Variants in SLC16A7 observed in about 807,000 individuals in gnomAD.
SLC16A7 encodes the protein monocarboxylate transporter 2.
SLC16A7 carries 33 observed loss-of-function variants against 34.9 expected under a neutral mutation model. The ratio of observed to expected loss-of-function variants is 0.94; its 90% CI spans 0.72 to 1.26. The LOEUF (loss-of-function observed/expected upper bound fraction) is 1.26. Among genes scored for constraint, SLC16A7 ranks in the 50% most tolerant of loss-of-function variants. SLC16A7 has a pLI of 0.00. For missense variants in SLC16A7, 573 were observed against 578.1 expected, an observed-to-expected ratio of 0.99 and a Z score of 0.09; for synonymous variants, 201 against 206.6, an observed-to-expected ratio of 0.97 and a Z score of 0.23.
intron 2 of SLC16A7, among the ~76,000 whole-genome samples, chr12:59,661,045 A>C (rs1005357597): frequency 1.2e-4 from 18 of 152,106 alleles, no homozygotes; most frequent in African/African-American, 4.1e-4. Flanking sequence ...ATCATATTAC[A>C]TTTTATAACA....
intron 2 of SLC16A7, among the ~76,000 whole-genome samples, chr12:59,683,434 A>C (rs77565782): frequency 0.071 from 10,830 of 152,202 alleles, 427 homozygotes; most frequent in Middle Eastern, 0.17. Context: ...GGGACTATTA[A>C]AGTTGTCCAT....
At chr12:59,612,348 G>C (rs903313885) in intron 1 of SLC16A7, among the ~76,000 whole-genome samples, 1 of 152,112 alleles carries the variant, frequency 6.6e-6, no homozygotes, top group Non-Finnish European at 1.5e-5. Flanking sequence ...CCCTTTTAGC[G>C]ATGGCTGGAG....
At chr12:59,726,909 A>G (rs553433638) in intron 3 of SLC16A7, among the ~76,000 whole-genome samples, 1 of 152,116 alleles carries the variant, frequency 6.6e-6, no homozygotes, top group Admixed American at 6.6e-5. Flanking sequence ...TGATCAATAC[A>G]TAATAGATCA....
chr12:59,614,218 G>A (rs1417895899), intron 1 of SLC16A7, among the ~76,000 whole-genome samples: 1 of 152,040 alleles, frequency 6.6e-6, no homozygotes. Flanking sequence ...TGTATTTTTA[G>A]TAGAGATGGA....
chr12:59,603,458 C>T (rs944678305), intron 1 of SLC16A7, among the ~76,000 whole-genome samples: 2 of 152,156 alleles, frequency 1.3e-5, no homozygotes, highest in African/African-American at 2.4e-5. Context: ...TTTGGCCATG[C>T]TGTTCTTTTA....
At chr12:59,651,445 G>T (rs746206859) in intron 1 of SLC16A7, among the ~76,000 whole-genome samples, 1 of 152,076 alleles carries the variant, frequency 6.6e-6, no homozygotes, top group Non-Finnish European at 1.5e-5. Flanking sequence ...GAGTACCATA[G>T]AATTTCTTAT....
intron 2 of SLC16A7, among the ~76,000 whole-genome samples, chr12:59,670,122 T>TC (rs2137045565): frequency 6.6e-6 from 1 of 152,334 alleles, no homozygotes. Flanking sequence ...TCTTCCAGCT[T>TC]CTGGTAAACC....
intron 1 of SLC16A7, among the ~76,000 whole-genome samples, chr12:59,624,770 G>T (rs1211368471): frequency 6.7e-6 from 1 of 149,798 alleles, no homozygotes; most frequent in Non-Finnish European, 1.5e-5. Context: ...GTGTGTGTGT[G>T]TGTCTATCTA....
At chr12:59,773,262 A>G (rs1376135854) in intron 4 of SLC16A7, among the ~76,000 whole-genome samples, 1 of 152,140 alleles carries the variant, frequency 6.6e-6, no homozygotes, top group Non-Finnish European at 1.5e-5. Context: ...TGGCTGAGGT[A>G]TAGCGTTAGA....
intron 3 of SLC16A7, among the ~76,000 whole-genome samples, chr12:59,738,193 G>A (rs1412441994): frequency 6.6e-6 from 1 of 152,136 alleles, no homozygotes; most frequent in East Asian, 1.9e-4. Context: ...GGTGGTTTCA[G>A]TTTTGATTTG....
At position 59,774,977 on chromosome 12, in the gene SLC16A7, T is replaced by C; in HGVS notation, c.682T>C (p.Ser228Pro). Residue 228 changes from serine to proline, a missense_variant, in exon 5 of 6, where the codon TCA becomes CCA. Transcript: ENST00000547379. ...CCCAAAGAAAATCAAAACGAAGAAA[T>C]CAACTTGGGAAAAAGTTAATAAGTA... Reference protein sequence around the residue: ...SSPKKIKTKKSTWEKVNKYLD... With the variant: ...SSPKKIKTKKPTWEKVNKYLD... 1 of 1,613,788 alleles carries C rather than the reference T, an allele frequency of 6.2e-7. No homozygotes were observed.
intron 2 of SLC16A7, among the ~76,000 whole-genome samples, chr12:59,669,817 A>G (rs368074358): frequency 6.6e-6 from 1 of 152,222 alleles, no homozygotes; most frequent in South Asian, 2.1e-4. Context: ...GATAAGTCAC[A>G]TAACCTGTAA....
Position 59,783,597 on chromosome 12 carries a change from G to A in SLC16A7, c.*3918G>A, listed in dbSNP as rs1458869680. 2 of 151,070 alleles carry A rather than the reference G, an allele frequency of 1.3e-5. No individual in the cohort carries two copies. Among genetic ancestry groups the A allele is most frequent in the African/African-American group, 4.9e-5 (2 of 41,188 alleles). The allele number at this position is 151,070 out of a possible 1,614,324, so 9.4% of individuals were successfully genotyped here. On this transcript the variant is annotated 3_prime_UTR_variant, in exon 6 of 6. Coordinates refer to ENST00000547379, the MANE Select transcript of SLC16A7 (RefSeq NM_001270623.2). ...TAACTTGTATTATGATTTATTTAGT[G>A]TTTATTAGAGAACTGCATTTGCTAG... is the stretch of plus-strand genomic sequence containing the variant.
chr12:59,708,478 G>T (rs1452351482), intron 3 of SLC16A7, among the ~76,000 whole-genome samples: 1 of 152,126 alleles, frequency 6.6e-6, no homozygotes, highest in African/African-American at 2.4e-5. Flanking sequence ...TATATTTATA[G>T]GAGCCTTTTA....
chr12:59,614,461 TATA>T (rs1879344953), intron 1 of SLC16A7, among the ~76,000 whole-genome samples: 1 of 152,186 alleles, frequency 6.6e-6, no homozygotes, highest in African/African-American at 2.4e-5. Flanking sequence ...ATCAGAATAA[TATA>T]ATATGGTTGA....
At chr12:59,630,149 G>A (rs892925034) in intron 1 of SLC16A7, among the ~76,000 whole-genome samples, 6 of 151,868 alleles carry the variant, frequency 4.0e-5, no homozygotes, top group Non-Finnish European at 8.8e-5. Context: ...AAATTCGGCA[G>A]AATGATGGCT....
chr12:59,775,156 T>C lies in SLC16A7; in HGVS notation c.861T>C (p.Ser287=), dbSNP rs925310552. ...AGTACTCGGCAGCTTTTCTGCTATCTGTTATGGCTTTCGTTGATATGTTTG... is the reference window on the plus strand; with the variant it reads ...AGTACTCGGCAGCTTTTCTGCTATCCGTTATGGCTTTCGTTGATATGTTTG... ...IDEYSAAFLL[S]VMAFVDMFAR... is the part of the protein sequence containing the mutation. Residue 287 remains serine, a synonymous_variant, in exon 5 of 6, where the codon TCT becomes TCC. Coordinates refer to ENST00000547379, the MANE Select transcript of SLC16A7 (RefSeq NM_001270623.2). The C allele has an allele frequency of 5.0e-6, 8 of 1,614,018 alleles. No homozygotes were observed. In the African/African-American group the frequency reaches 1.1e-4, roughly 22 times the overall value.
chr12:59,660,545 A>G (rs1868792260), intron 2 of SLC16A7, among the ~76,000 whole-genome samples: 1 of 151,712 alleles, frequency 6.6e-6, no homozygotes. Context: ...TCTCTACAAA[A>G]AAAAAAAAAA....
At chr12:59,625,817 C>A (rs991955967) in intron 1 of SLC16A7, among the ~76,000 whole-genome samples, 12 of 151,754 alleles carry the variant, frequency 7.9e-5, no homozygotes, top group African/African-American at 2.7e-4. Context: ...GAAAGGAAGA[C>A]AATAGCAAAT....
Sources: allele counts gnomAD v4.1 joint callset (sites outside exome capture counted in the v4.1 genomes callset), GRCh38; gene constraint gnomAD v4.1.1; transcripts MANE v1.5; gene names NCBI Gene and HGNC (gene_info 2026-07-23, HGNC 2026-07-21).